C11orf65: variants seen among roughly 807,000 people sequenced by gnomAD.
C11orf65 encodes protein MFI.
C11orf65 carries 38 observed loss-of-function variants against 35.3 expected under a neutral mutation model. The ratio of observed to expected loss-of-function variants is 1.08; its 90% CI spans 0.83 to 1.41. The LOEUF (loss-of-function observed/expected upper bound fraction) is 1.41. C11orf65 is among the 40% of genes most tolerant of loss of function. The pLI, the probability that C11orf65 is intolerant of heterozygous loss-of-function variation, is 0.00. For missense variants in C11orf65, 370 were observed against 367.1 expected (o/e 1.01, Z -0.06); for synonymous variants, 105 against 114.4 (o/e 0.92, Z 0.53).
intron 2 of C11orf65, among the ~76,000 whole-genome samples, chr11:108,357,272 C>T (rs1400781069): frequency 2.0e-4 from 31 of 152,226 alleles, no homozygotes; most frequent in Non-Finnish European, 1.0e-4. Flanking sequence ...GATTATATCC[C>T]GCAGCTGGCT....
At chr11:108,448,123 G>A (rs909857451) in intron 2 of C11orf65, among the ~76,000 whole-genome samples, 7 of 152,164 alleles carry the variant, frequency 4.6e-5, no homozygotes, top group Non-Finnish European at 7.3e-5. Flanking sequence ...AACAGGATCT[G>A]AAATTGTGGC....
chr11:108,334,094 C>A, intron 3 of C11orf65: 1 of 722,724 alleles, frequency 1.4e-6, no homozygotes. Context: ...ATGTTTCAAC[C>A]TATAATTTCT....
At chr11:108,465,975 C>G (rs548470682) in intron 1 of C11orf65, among the ~76,000 whole-genome samples, 90 of 139,686 alleles carry the variant, frequency 6.4e-4, no homozygotes, top group South Asian at 1.8e-3. Context: ...AAGAGTGAAA[C>G]TCGGTCTAAA....
Position 108,365,478 on chromosome 11 carries a change from A to C in C11orf65, c.226+27730T>G. On this transcript the variant is annotated intron_variant, in intron 2 of 3. Transcript: ENST00000524755. Reference sequence around the variant, plus strand: ...CCATAGACCCCAAAAATCTCAGCCGACTTTTCCCAGGATGGAAAGCTTGGG... The same window carrying C: ...CCATAGACCCCAAAAATCTCAGCCGCCTTTTCCCAGGATGGAAAGCTTGGG... 6.2e-7 allele frequency: 1 copy of C among 1,614,208 alleles called. No homozygotes were observed. The highest frequency in any genetic ancestry group is 8.5e-7 in the Non-Finnish European group (1 of 1,180,032).
intron 3 of C11orf65, among the ~76,000 whole-genome samples, chr11:108,413,983 T>C (rs2138781180): frequency 6.6e-6 from 1 of 152,108 alleles, no homozygotes; most frequent in East Asian, 1.9e-4. Context: ...CTGAAAGAAA[T>C]AATCTAATGT....
chr11:108,459,076 T>A (rs1382957590), intron 2 of C11orf65, among the ~76,000 whole-genome samples: 1 of 152,198 alleles, frequency 6.6e-6, no homozygotes, highest in Non-Finnish European at 1.5e-5. Context: ...AGTAAGTAAT[T>A]ACCAGGCTTT....
chr11:108,464,844 T>C (rs1248278826), intron 1 of C11orf65, among the ~76,000 whole-genome samples: 3 of 152,062 alleles, frequency 2.0e-5, no homozygotes, highest in African/African-American at 7.3e-5. Context: ...TTCAGATATA[T>C]ACAATATAAC....
intron 2 of C11orf65, among the ~76,000 whole-genome samples, chr11:108,374,234 C>T (rs912504812): frequency 1.3e-5 from 2 of 152,186 alleles, no homozygotes; most frequent in African/African-American, 4.8e-5. Flanking sequence ...CCGGGAGGCA[C>T]CCCCCAGTGG....
At chr11:108,417,620 G>A (rs2092756871) in intron 3 of C11orf65, among the ~76,000 whole-genome samples, 2 of 151,734 alleles carry the variant, frequency 1.3e-5, no homozygotes, top group African/African-American at 2.4e-5. Flanking sequence ...TAAAGATTCA[G>A]AATGTTGGAA....
At chr11:108,364,404 C>A (rs1478254823) in intron 2 of C11orf65, among the ~76,000 whole-genome samples, 1 of 152,136 alleles carries the variant, frequency 6.6e-6, no homozygotes, top group Non-Finnish European at 1.5e-5. Context: ...AACTCACTTT[C>A]TAAAATTTAC....
chr11:108,415,478 T>G (rs943748488), intron 3 of C11orf65, among the ~76,000 whole-genome samples: 1 of 152,168 alleles, frequency 6.6e-6, no homozygotes, highest in Non-Finnish European at 1.5e-5. Flanking sequence ...AATGGAGAGA[T>G]ATTCCATACA....
At chr11:108,359,971 A>T (rs1421065950) in intron 2 of C11orf65, among the ~76,000 whole-genome samples, 1 of 151,770 alleles carries the variant, frequency 6.6e-6, no homozygotes, top group Non-Finnish European at 1.5e-5. Context: ...GGAAATAGAG[A>T]CACAAAAAAC....
At position 108,332,582 on chromosome 11, in the gene C11orf65, C is replaced by T. The variant is rs529788128; in HGVS notation, c.300-1015G>A. Among the ~76,000 whole-genome samples the T allele has an allele frequency of 3.3e-5, 5 of 152,200 alleles. No homozygotes were observed. The South Asian group carries it at 6.2e-4, about 19-fold the overall frequency. ...TTTTGAAAGGCACCTAAGTCATTGA[C>T]GAGAGTATGTATCTTTGATGTATTT... is the stretch of plus-strand genomic sequence containing the variant. On this transcript the variant is annotated intron_variant, in intron 3 of 3. Coordinates refer to the C11orf65 transcript ENST00000524755.
intron 2 of C11orf65, among the ~76,000 whole-genome samples, chr11:108,443,972 A>G (rs576056156): frequency 3.9e-5 from 6 of 152,274 alleles, no homozygotes; most frequent in African/African-American, 1.2e-4. Context: ...CTAAGTTCAG[A>G]GCGGAACTGA....
At chr11:108,335,271 T>A (rs1024344703) in exon 3 of C11orf65, 36 of 1,523,298 alleles carry the variant, frequency 2.4e-5, no homozygotes, top group Non-Finnish European at 3.2e-5. Flanking sequence ...GAACCAGGCT[T>A]TTCTCCATTT....
chr11:108,309,938 T>C (rs879158231), intron 6 of C11orf65, among the ~76,000 whole-genome samples: 1 of 152,138 alleles, frequency 6.6e-6, no homozygotes, highest in Non-Finnish European at 1.5e-5. Flanking sequence ...GATTCTCTGA[T>C]AGGTTTGAGG....
rs1339794219 is a variant in C11orf65, at chr11:108,326,081, A to C, written c.641-17010T>G. 1 of 1,614,008 alleles carries C rather than the reference A, an allele frequency of 6.2e-7. No individual in the cohort carries two copies. The highest frequency in any genetic ancestry group is 1.3e-5 in the African/African-American group (1 of 74,926). On this transcript the variant is annotated intron_variant, in intron 6 of 6. Transcript: ENST00000525729. ...AGCTCCCTGAAAGGGCAATATTTCA[A>C]ATTAAACAGTACAATTCAGTTAGCT...
chr11:108,433,609 CAAAAA>C (rs1402553511), intron 2 of C11orf65, among the ~76,000 whole-genome samples: 2 of 151,292 alleles, frequency 1.3e-5, no homozygotes, highest in South Asian at 2.1e-4. Context: ...CAAAACAAAA[CAAAAA>C]AAGTACCAAA....
rs376505821 is a variant in C11orf65 at position 108,408,682 on chromosome 11, A to ATAAAATAAAATAAAATAAAATAAAAAAT, written c.175-1534_175-1533insATTTTTTATTTTATTTTATTTTATTTTA. On this transcript the variant is annotated intron_variant, in intron 3 of 8. Coordinates refer to ENST00000393084, the MANE Select transcript of C11orf65 (RefSeq NM_152587.5). ...CAGAGACTCTGTCTCAATAAATAAAATAAAATAAAATAAAATAAAATAAAA... is the reference window on the plus strand; with the variant it reads ...CAGAGACTCTGTCTCAATAAATAAAATAAAATAAAATAAAATAAAATAAAAAATTAAAATAAAATAAAATAAAATAAAA... Among the ~76,000 whole-genome samples, 281 of 66,212 alleles carry ATAAAATAAAATAAAATAAAATAAAAAAT rather than the reference A, an allele frequency of 4.2e-3. 1 individual carries two copies. Among genetic ancestry groups the ATAAAATAAAATAAAATAAAATAAAAAAT allele is most frequent in the Middle Eastern group, 6.3e-3 (1 of 160 alleles). 43.4% of individuals were successfully genotyped at this position (66,212 alleles called of 152,430 possible).
Sources: gnomAD v4.1 joint callset for allele counts (sites outside exome capture counted in the v4.1 genomes callset) on GRCh38, gnomAD v4.1.1 for gene constraint, MANE v1.5 for transcripts, NCBI Gene and HGNC (gene_info 2026-07-23, HGNC 2026-07-21) for gene names.